Variants in FMO4 observed in about 807,000 individuals in gnomAD.
FMO4 encodes flavin containing dimethylaniline monoxygenase 4, also known as dimethylaniline monooxygenase [N-oxide-forming] 4.
FMO4 carries 38 observed loss-of-function variants against 43.3 expected under a neutral mutation model. The ratio of observed to expected loss-of-function variants is 0.88; its 90% confidence interval spans 0.68 to 1.15. The LOEUF (loss-of-function observed/expected upper bound fraction) is 1.15, where lower values mean the gene tolerates loss of function less well. Ranked by LOEUF, FMO4 falls within the 50% of genes most tolerant of loss-of-function variation. The probability of loss-of-function intolerance (pLI) is 0.00; values close to 1 mark genes in which losing one functional copy is unlikely to be tolerated. For synonymous variants in FMO4, 224 were observed against 232.2 expected, an observed-to-expected ratio of 0.96 and a Z score of 0.32; for missense variants, 631 against 663.3, an observed-to-expected ratio of 0.95 and a Z score of 0.54.
At chr1:171,336,538 G>T (rs1395206411) in intron 8 of FMO4, among the ~76,000 whole-genome samples, 1 of 152,150 alleles carries the variant, frequency 6.6e-6, no homozygotes, top group African/African-American at 2.4e-5. Flanking sequence ...CTGCGAAACT[G>T]CCAGGCCCCT....
chr1:171,320,155 G>C (rs770896751), intron 3 of FMO4, among the ~76,000 whole-genome samples, 198 bp downstream of exon 3: 1 of 152,186 alleles, frequency 6.6e-6, no homozygotes, highest in Non-Finnish European at 1.5e-5. Flanking sequence ...GCAGACTCGG[G>C]TCAGGGACAG....
chr1:171,325,842 TTTTTTTTTTTTTTTTTTTTTTTTG>T, intron 5 of FMO4, among the ~76,000 whole-genome samples: 2 of 84,744 alleles, frequency 2.4e-5, no homozygotes, highest in African/African-American at 9.2e-5. Context: ...TTTTTTTTTT[TTTTTTTTTTTTTTTTTTTTTTTTG>T]AGACAGGGTC....
At chr1:171,324,689 T>A (rs958557267) in intron 5 of FMO4, among the ~76,000 whole-genome samples, 7 of 152,146 alleles carry the variant, frequency 4.6e-5, no homozygotes, top group African/African-American at 1.4e-4. Flanking sequence ...GATTTTTTTT[T>A]AAAGAAACAA....
intron 5 of FMO4, among the ~76,000 whole-genome samples, chr1:171,330,209 G>A (rs1356391757): frequency 1.2e-4 from 19 of 152,216 alleles, no homozygotes; most frequent in Non-Finnish European, 2.6e-4. Context: ...TGGAGTGAGA[G>A]GCAGTCTAGT....
chr1:171,325,201 C>G (rs372318083), intron 5 of FMO4, among the ~76,000 whole-genome samples: 20 of 152,182 alleles, frequency 1.3e-4, no homozygotes, highest in African/African-American at 4.8e-4. Flanking sequence ...TTTGGAAATG[C>G]TTTTCACTGT....
intron 9 of FMO4, among the ~76,000 whole-genome samples, chr1:171,338,853 T>G (rs1663230410): frequency 6.6e-6 from 1 of 152,238 alleles, no homozygotes; most frequent in South Asian, 2.1e-4. Flanking sequence ...GACTTTGTTT[T>G]GTTCACTATT....
chr1:171,326,694 G>T (rs1318503403), intron 5 of FMO4, among the ~76,000 whole-genome samples: 4 of 152,184 alleles, frequency 2.6e-5, no homozygotes, highest in Admixed American at 6.5e-5. Context: ...CATTGTCAGG[G>T]TAATTTATGG....
At chr1:171,318,113 T>C (rs7412314) in intron 2 of FMO4, among the ~76,000 whole-genome samples, 59,629 of 151,616 alleles carry the variant, frequency 0.39, 14,110 homozygotes, top group African/African-American at 0.68. Flanking sequence ...GTCAGGAGTT[T>C]GAGACCAGCC....
chr1:171,319,363 G>A (rs1481322500), intron 2 of FMO4, among the ~76,000 whole-genome samples: 1 of 152,148 alleles, frequency 6.6e-6, no homozygotes. Context: ...CTGGAGCTTG[G>A]GGTTTATATG....
At chr1:171,336,912 T>C (rs1471005065) in intron 8 of FMO4, among the ~76,000 whole-genome samples, 2 of 151,872 alleles carry the variant, frequency 1.3e-5, no homozygotes, top group Non-Finnish European at 2.9e-5. Context: ...TAAAATGGGG[T>C]CATTTTAAGT....
Position 171,340,654 on chromosome 1 carries a change from G to A in FMO4, c.1251-759G>A, listed in dbSNP as rs142602653. On this transcript the variant is annotated intron_variant, in intron 9 of 9. Transcript: ENST00000367749. Reference sequence around the variant, plus strand: ...TTTAAAATATTTAAACCTTTTTCTTGATCTTAAAGATCATGTAGATTGGGG... The same window carrying A: ...TTTAAAATATTTAAACCTTTTTCTTAATCTTAAAGATCATGTAGATTGGGG... Among the ~76,000 whole-genome samples the A allele has an allele frequency of 6.2e-3, 945 of 151,658 alleles. 4 individuals carry two copies. The highest frequency in any genetic ancestry group is 0.021 in the African/African-American group (888 of 41,382).
chr1:171,326,711 A>G (rs1319707782), intron 5 of FMO4, among the ~76,000 whole-genome samples: 2 of 152,236 alleles, frequency 1.3e-5, no homozygotes, highest in Non-Finnish European at 2.9e-5. Context: ...ATGGCTACTT[A>G]ATGTCAGTAA....
chr1:171,326,488 A>C (rs555293352), intron 5 of FMO4, among the ~76,000 whole-genome samples: 46 of 152,362 alleles, frequency 3.0e-4, no homozygotes, highest in Middle Eastern at 3.4e-3. Flanking sequence ...CTTGGGAAAC[A>C]TTTCCAAGTT....
At chr1:171,316,605 A>G (rs1662211627) in intron 2 of FMO4, among the ~76,000 whole-genome samples, 1 of 152,192 alleles carries the variant, frequency 6.6e-6, no homozygotes, top group African/African-American at 2.4e-5. Context: ...GGTAGCAGAG[A>G]AAGTTCAAAC....
At chr1:171,322,888 A>C (rs555307916) in intron 3 of FMO4, 116 bp from the exon 4 acceptor site, 1 of 702,442 alleles carries the variant, frequency 1.4e-6, no homozygotes, top group Admixed American at 2.6e-5. Context: ...AAAATTACAA[A>C]TGGAACATTA....
chr1:171,338,599 G>A (rs1413883145), intron 9 of FMO4, among the ~76,000 whole-genome samples: 1 of 152,110 alleles, frequency 6.6e-6, no homozygotes, highest in Non-Finnish European at 1.5e-5. Flanking sequence ...AGCCTGGAAT[G>A]TTCCATCAGA....
chr1:171,338,156 T>C (rs1238754241), intron 9 of FMO4, among the ~76,000 whole-genome samples: 2 of 152,148 alleles, frequency 1.3e-5, no homozygotes, highest in African/African-American at 4.8e-5. Context: ...CTCTTCTTTT[T>C]TTCTCACATC....
intron 5 of FMO4, among the ~76,000 whole-genome samples, chr1:171,329,018 G>A (rs74978778): frequency 0.044 from 6,705 of 152,182 alleles, 473 homozygotes; most frequent in African/African-American, 0.15. Context: ...TCCCTCCACC[G>A]TCTGGCACCT....
chr1:171,321,280 T>C (rs1662412021), intron 3 of FMO4, among the ~76,000 whole-genome samples: 1 of 152,188 alleles, frequency 6.6e-6, no homozygotes, highest in Admixed American at 6.5e-5. Context: ...CACAAATTAG[T>C]ACTATTAACA....
Sources: gnomAD v4.1 joint callset for allele counts (sites outside exome capture counted in the v4.1 genomes callset) on GRCh38, gnomAD v4.1.1 for gene constraint, MANE v1.5 for transcripts, NCBI Gene and HGNC (gene_info 2026-07-23, HGNC 2026-07-21) for gene names.